Variants in MSRA observed in about 807,000 individuals in gnomAD.
MSRA encodes the protein mitochondrial peptide methionine sulfoxide reductase.
A neutral mutation model predicts 31.3 loss-of-function variants in MSRA; 54 were observed. The observed-to-expected ratio is 1.73, with a 90% CI of 1.39 to 2.17. The LOEUF (loss-of-function observed/expected upper bound fraction) is 2.17. Among genes scored for constraint, MSRA ranks in the 30% most tolerant of loss-of-function variants. The pLI is 0.00. For synonymous variants in MSRA, 169 were observed against 116.5 expected, an observed-to-expected ratio of 1.45 and a Z score of -2.90; for missense variants, 507 against 300.9, an observed-to-expected ratio of 1.69 and a Z score of -5.07.
intron 1 of MSRA, among the ~76,000 whole-genome samples, chr8:10,154,142 G>A (rs1449230138): frequency 6.6e-6 from 1 of 152,182 alleles, no homozygotes; most frequent in African/African-American, 2.4e-5. Flanking sequence ...ATGCAAGGGT[G>A]GCAAAGGCCT....
intron 3 of MSRA, among the ~76,000 whole-genome samples, chr8:10,252,685 A>G (rs1341355320): frequency 6.6e-6 from 1 of 152,220 alleles, no homozygotes. Flanking sequence ...AATCAGGGCA[A>G]GTGGACTGCA....
chr8:10,160,150 A>G (rs1293732450), intron 1 of MSRA, among the ~76,000 whole-genome samples: 1 of 152,180 alleles, frequency 6.6e-6, no homozygotes, highest in East Asian at 1.9e-4. Context: ...GCTTCATTAC[A>G]GTGGAAGTGG....
At chr8:10,266,259 A>G (rs563655549) in intron 3 of MSRA, among the ~76,000 whole-genome samples, 3 of 152,300 alleles carry the variant, frequency 2.0e-5, no homozygotes, top group South Asian at 2.1e-4. Context: ...AGCAGTTGGT[A>G]TGGCCAGTCT....
chr8:10,125,649 G>C (rs1280835461), intron 1 of MSRA, among the ~76,000 whole-genome samples: 1 of 152,196 alleles, frequency 6.6e-6, no homozygotes, highest in East Asian at 1.9e-4. Context: ...TGATGACAGA[G>C]ATGTTCTGTG....
chr8:10,143,519 A>T (rs183498441), intron 1 of MSRA, among the ~76,000 whole-genome samples: 15 of 152,248 alleles, frequency 9.9e-5, no homozygotes, highest in East Asian at 1.9e-4. Context: ...ATCCTTATGG[A>T]TTAAATCGCA....
intron 5 of MSRA, among the ~76,000 whole-genome samples, chr8:10,346,713 G>T (rs576285817): frequency 2.6e-5 from 4 of 152,286 alleles, no homozygotes; most frequent in African/African-American, 7.2e-5. Context: ...AATAGATTAG[G>T]GGTACCTATT....
intron 1 of MSRA, among the ~76,000 whole-genome samples, chr8:10,109,659 T>C (rs1309964441): frequency 6.6e-6 from 1 of 152,210 alleles, no homozygotes; most frequent in African/African-American, 2.4e-5. Flanking sequence ...TTATGATGTA[T>C]TTTTAGCATT....
rs957200842 is a variant in MSRA, at chr8:10,390,423, C to T, written c.544-37725C>T. ...CCTAGGCTCCATGTCTGCCCAGGCT[C>T]CCCTGCGAGGGCCACTGGCACTTGC... On this transcript the variant is annotated intron_variant, in intron 5 of 5. Transcript: ENST00000317173. 1.2e-4 allele frequency among the ~76,000 whole-genome samples: 19 copies of T among 152,326 alleles called. No homozygotes were observed. In the East Asian group the frequency reaches 3.1e-3, roughly 25 times the overall value.
intron 1 of MSRA, among the ~76,000 whole-genome samples, chr8:10,159,372 C>T (rs187463001): frequency 6.6e-6 from 1 of 152,230 alleles, no homozygotes; most frequent in East Asian, 1.9e-4. Context: ...GGTCTCTGGG[C>T]TGGAGGCAGA....
intron 1 of MSRA, among the ~76,000 whole-genome samples, chr8:10,183,775 G>C (rs1372136999): frequency 1.8e-5 from 1 of 55,584 alleles, no homozygotes; most frequent in Non-Finnish European, 4.3e-5. Flanking sequence ...AGCTGAGCTG[G>C]TGGTGGTGGT....
At chr8:10,158,583 G>A (rs954448063) in intron 1 of MSRA, among the ~76,000 whole-genome samples, 1 of 152,184 alleles carries the variant, frequency 6.6e-6, no homozygotes, top group Non-Finnish European at 1.5e-5. Flanking sequence ...TCCATTGCAT[G>A]GATGTATCCA....
intron 3 of MSRA, among the ~76,000 whole-genome samples, chr8:10,287,983 T>A (rs538249739): frequency 1.3e-5 from 2 of 152,222 alleles, no homozygotes; most frequent in East Asian, 3.9e-4. Flanking sequence ...AATCCTGTTT[T>A]GGCTGCATCC....
rs547694047 is a variant in MSRA at position 10,206,940 on chromosome 8, C to T, written c.143-893C>T. ...CGTGGCTTCAGTGCTGAGCCCTTTG[C>T]CTGAACCCAGCCAATCCAGTGTGAC... On this transcript the variant is annotated intron_variant, in intron 1 of 5. Transcript: ENST00000317173. Among the ~76,000 whole-genome samples, 150 of 152,342 alleles carry T rather than the reference C, an allele frequency of 9.8e-4. 1 individual carries two copies. The highest frequency in any genetic ancestry group is 3.4e-3 in the African/African-American group (142 of 41,576).
At chr8:10,334,310 G>C (rs1802891034) in intron 5 of MSRA, among the ~76,000 whole-genome samples, 1 of 152,030 alleles carries the variant, frequency 6.6e-6, no homozygotes, top group South Asian at 2.1e-4. Context: ...TTTCAGCTAG[G>C]GTAGGGTCTA....
At chr8:10,104,197 A>T (rs371620939) in intron 1 of MSRA, among the ~76,000 whole-genome samples, 8 of 152,186 alleles carry the variant, frequency 5.3e-5, no homozygotes, top group African/African-American at 1.9e-4. Flanking sequence ...CTAGAGGAGG[A>T]CTTAGAAATG....
chr8:10,105,950 C>G (rs557138905), intron 1 of MSRA, among the ~76,000 whole-genome samples: 4 of 152,352 alleles, frequency 2.6e-5, no homozygotes, highest in African/African-American at 7.2e-5. Flanking sequence ...AGCACTCCCT[C>G]TTTCCCTGCT....
chr8:10,252,594 G>C (rs2975704), intron 3 of MSRA, among the ~76,000 whole-genome samples: 148,067 of 152,242 alleles, frequency 0.97, 72,118 homozygotes, highest in East Asian at 1. Context: ...GGAGTGGTAT[G>C]CTTGCTCCCT....
At chr8:10,202,058 A>C in intron 1 of MSRA, among the ~76,000 whole-genome samples, 1 of 152,258 alleles carries the variant, frequency 6.6e-6, no homozygotes, top group East Asian at 1.9e-4. Flanking sequence ...GTTAGGGCTC[A>C]ATTAATGAAT....
chr8:10,086,854 G>A (rs1027003828), intron 1 of MSRA, among the ~76,000 whole-genome samples: 3 of 151,582 alleles, frequency 2.0e-5, no homozygotes, highest in Non-Finnish European at 4.4e-5. Context: ...GCCAGGCAGA[G>A]GAGAGAAGAG....
Sources: allele counts gnomAD v4.1 joint callset (sites outside exome capture counted in the v4.1 genomes callset), GRCh38; gene constraint gnomAD v4.1.1; transcripts MANE v1.5; gene names NCBI Gene and HGNC (gene_info 2026-07-23, HGNC 2026-07-21).